The following DTYMK variants were observed in gnomAD, a reference collection of about 807,000 sequenced individuals.
DTYMK encodes thymidylate kinase.
DTYMK carries 20 observed loss-of-function variants against 20.3 expected under a neutral mutation model. The observed-to-expected ratio is 0.99, with a 90% CI of 0.69 to 1.43. The LOEUF (loss-of-function observed/expected upper bound fraction) is 1.43. Among genes scored for constraint, DTYMK ranks in the 40% most tolerant of loss-of-function variants. The probability of loss-of-function intolerance (pLI) is 0.00; values close to 1 mark genes in which losing one functional copy is unlikely to be tolerated. For synonymous variants in DTYMK, 148 were observed against 124.4 expected (o/e 1.19, Z -1.27); for missense variants, 320 against 291.1 (o/e 1.10, Z -0.72).
At chr2:241,686,624 C>T in intron 1 of DTYMK, 30 bp downstream of exon 1, 1 of 1,476,772 alleles carries the variant, frequency 6.8e-7, no homozygotes, top group Non-Finnish European at 8.9e-7. Context: ...CACCGAAGGC[C>T]GCGGCGCACC....
Position 241,676,040 on chromosome 2 carries a change from TG to T in DTYMK, c.*86del. On this transcript the variant is annotated 3_prime_UTR_variant, in exon 5 of 5. Coordinates refer to ENST00000305784, the MANE Select transcript of DTYMK (RefSeq NM_012145.4). ...AAAGAGCTCCTGAAGTTGTGGGGTC[TG>T]GACTCTGCTGGGGACGGGGCCTTCC... 1 of 1,267,418 alleles carries T rather than the reference TG, an allele frequency of 7.9e-7. No individual in the cohort carries two copies. The highest frequency in any genetic ancestry group is 1.1e-6 in the Non-Finnish European group (1 of 931,102). 78.5% of individuals were successfully genotyped at this position (1,267,418 alleles called of 1,614,324 possible).
intron 4 of DTYMK, 75 bp downstream of exon 4, chr2:241,678,377 A>G (rs4076640): frequency 0.62 from 981,172 of 1,588,242 alleles, 306,717 homozygotes; most frequent in Middle Eastern, 0.71. Flanking sequence ...TTGCTGACAC[A>G]ACTGTGCCAG....
In DTYMK at chr2:241,686,789, TC is replaced by T; in HGVS notation, c.-7del. 6.9e-7 allele frequency: 1 copy of T among 1,446,800 alleles called. No homozygotes were observed. Among genetic ancestry groups the T allele is most frequent in the Non-Finnish European group, 9.0e-7 (1 of 1,112,876 alleles). 89.6% of individuals were successfully genotyped at this position (1,446,800 alleles called of 1,614,324 possible). ...GCCCCGCGCCGGGCCGCCATGACTG[TC>T]CACCGCCCGCCGCTGGCGTCTCCAC... On this transcript the variant is annotated 5_prime_UTR_variant, in exon 1 of 5. Transcript: ENST00000305784.
intron 2 of DTYMK, among the ~76,000 whole-genome samples, chr2:241,684,055 C>G (rs957151585): frequency 1.3e-5 from 2 of 151,666 alleles, no homozygotes; most frequent in African/African-American, 4.8e-5. Context: ...AGACTCTTGT[C>G]TCAAAAAAAA....
intron 2 of DTYMK, chr2:241,681,924 G>A: frequency 4.0e-6 from 1 of 247,988 alleles, no homozygotes; most frequent in South Asian, 3.8e-5. Context: ...CGCACCTGTA[G>A]TCCTAGCTAC....
In DTYMK at chr2:241,676,120, C is replaced by G. The variant is rs755490250; in HGVS notation, c.*7G>C. 5 of 1,607,342 alleles carry G rather than the reference C, an allele frequency of 3.1e-6. No homozygotes were observed. ...AGGGAGAGGCGTCTCCAGTGGGCAG[C>G]CTTGGGTCACTTCCATAGCTCCCCC... On this transcript the variant is annotated 3_prime_UTR_variant, in exon 5 of 5. Transcript: ENST00000305784.
chr2:241,680,226 C>G lies in DTYMK; in HGVS notation c.330+3G>C, dbSNP rs761881458. 1.2e-5 allele frequency: 20 copies of G among 1,613,942 alleles called. No homozygotes were observed. Among genetic ancestry groups the G allele is most frequent in the Non-Finnish European group, 1.6e-5 (19 of 1,179,942 alleles). ...GCCTGACAGGAGGCCAAGTGGCACT[C>G]ACCTCCTTGGCACCGGTGAAGGCCA... is the stretch of plus-strand genomic sequence containing the variant. On this transcript the variant is annotated splice_donor_region_variant and intron_variant, in intron 3 of 4. Coordinates refer to ENST00000305784, the MANE Select transcript of DTYMK (RefSeq NM_012145.4).
At chr2:241,682,792 TG>T in intron 2 of DTYMK, 1 of 176,956 alleles carries the variant, frequency 5.7e-6, no homozygotes, top group Admixed American at 6.3e-5. Flanking sequence ...GGCGTGGTGG[TG>T]GGCACCTGTG....
intron 2 of DTYMK, chr2:241,685,158 G>A: frequency 6.4e-6 from 1 of 156,396 alleles, no homozygotes; most frequent in Non-Finnish European, 1.4e-5. Flanking sequence ...ATGATCGGGT[G>A]CCACTGCACT....
intron 2 of DTYMK, 136 bp downstream of exon 2, chr2:241,685,633 C>T: frequency 1.1e-6 from 1 of 926,726 alleles, no homozygotes. Flanking sequence ...CACCTCTGCC[C>T]ACAGGACTGC....
intron 4 of DTYMK, 64 bp downstream of exon 4, chr2:241,678,388 C>T (rs2125160951): frequency 1.2e-6 from 2 of 1,600,518 alleles, no homozygotes; most frequent in South Asian, 1.1e-5. Context: ...ACTGTGCCAG[C>T]CACCACGGTG....
At chr2:241,686,595 GC>G in intron 1 of DTYMK, 58 bp downstream of exon 1, 1 of 1,430,334 alleles carries the variant, frequency 7.0e-7, no homozygotes, top group Non-Finnish European at 9.0e-7. Flanking sequence ...GGAGCAAAGA[GC>G]CCCTGGGAAG....
At chr2:241,680,143 G>A in intron 3 of DTYMK, 86 bp downstream of exon 3, 1 of 1,246,086 alleles carries the variant, frequency 8.0e-7, no homozygotes, top group Non-Finnish European at 1.2e-6. Context: ...AGAGTAATCT[G>A]AGGCATGTCA....
chr2:241,678,014 G>A (rs1288424160), intron 4 of DTYMK, among the ~76,000 whole-genome samples: 2 of 152,190 alleles, frequency 1.3e-5, no homozygotes, highest in African/African-American at 4.8e-5. Context: ...GATGGCTCAT[G>A]CCTATAATCC....
Position 241,676,064 on chromosome 2 carries a change from TC to T in DTYMK, c.*62del. The T allele has an allele frequency of 6.7e-7, 1 of 1,489,966 alleles. No individual in the cohort carries two copies. The allele number at this position is 1,489,966 out of a possible 1,614,324, so 92.3% of individuals were successfully genotyped here. ...CTGGACTCTGCTGGGGACGGGGCCT[TC>T]CGCGAGTCTCCCACCTCTCGGGGGA... On this transcript the variant is annotated 3_prime_UTR_variant, in exon 5 of 5. Transcript: ENST00000305784.
At chr2:241,676,609 G>A (rs996452375) in intron 4 of DTYMK, among the ~76,000 whole-genome samples, 1 of 152,230 alleles carries the variant, frequency 6.6e-6, no homozygotes, top group African/African-American at 2.4e-5. Context: ...CTTGACAAGT[G>A]TCTACGGTAG....
chr2:241,677,258 A>G (rs2069138219), intron 4 of DTYMK, among the ~76,000 whole-genome samples: 2 of 152,216 alleles, frequency 1.3e-5, no homozygotes, highest in African/African-American at 4.8e-5. Flanking sequence ...GACTCCCTAC[A>G]CAAGGGCCAC....
intron 3 of DTYMK, 37 bp from the exon 4 acceptor site, chr2:241,678,686 A>G (rs1224774019): frequency 1.9e-6 from 3 of 1,598,554 alleles, no homozygotes; most frequent in African/African-American, 1.3e-5. Flanking sequence ...AGCTTAGTGT[A>G]GTCTAGGTTT....
At position 241,685,798 on chromosome 2, in the gene DTYMK, C is replaced by T. The variant is rs1019577933; in HGVS notation, c.210G>A (p.Leu70=). 6.2e-7 allele frequency: 1 copy of T among 1,614,098 alleles called. No individual in the cohort carries two copies. Among genetic ancestry groups the T allele is most frequent in the Non-Finnish European group, 8.5e-7 (1 of 1,179,944 alleles). The part of the protein sequence containing the change: ...KSDVEDHSVH[L]LFSANRWEQV... ...GTTCCCAGCGATTTGCAGAAAAAAG[C>T]AGGTGCACCGAGTGATCCTCCACGT... is the stretch of plus-strand genomic sequence containing the variant. Residue 70 remains leucine (L), a synonymous_variant, in exon 2 of 5, where the codon CTG becomes CTA. Coordinates refer to ENST00000305784, the MANE Select transcript of DTYMK (RefSeq NM_012145.4).
Sources: allele counts gnomAD v4.1 joint callset (sites outside exome capture counted in the v4.1 genomes callset), GRCh38; gene constraint gnomAD v4.1.1; transcripts MANE v1.5; gene names NCBI Gene and HGNC (gene_info 2026-07-23, HGNC 2026-07-21).